Variants in NSD1 observed in about 807,000 individuals in gnomAD.
NSD1 encodes histone-lysine N-methyltransferase, H3 lysine-36 specific.
NSD1 carries 26 observed loss-of-function variants against 242.7 expected under a neutral mutation model. That is an observed-to-expected ratio of 0.11 (90% CI 0.08 to 0.15). The LOEUF (loss-of-function observed/expected upper bound fraction) is 0.15. NSD1 is among the 10% of genes least tolerant of loss of function. The pLI is 1.00. For synonymous variants in NSD1, 1,106 were observed against 1,178.1 expected (o/e 0.94, Z 1.25); for missense variants, 2,495 against 3,272.8 (o/e 0.76, Z 5.80).
intron 2 of NSD1, among the ~76,000 whole-genome samples, chr5:177,168,104 T>C (rs898907924): frequency 1.3e-5 from 2 of 152,210 alleles, no homozygotes; most frequent in African/African-American, 4.8e-5. Context: ...TATTAAAAAT[T>C]CCAAGTAATG....
At chr5:177,156,373 C>T (rs991036034) in intron 2 of NSD1, among the ~76,000 whole-genome samples, 5 of 151,656 alleles carry the variant, frequency 3.3e-5, no homozygotes, top group Admixed American at 3.3e-4. Context: ...TAGAGACAGG[C>T]TTTCACCATG....
chr5:177,204,005 G>T (rs1320949404), intron 3 of NSD1, 115 bp from the exon 4 acceptor site: 17 of 982,556 alleles, frequency 1.7e-5, no homozygotes, highest in Non-Finnish European at 2.5e-5. Flanking sequence ...TAGTTCAGTG[G>T]GCATGTTAGT....
At position 177,192,038 on chromosome 5, in the gene NSD1, A is replaced by G. The variant is rs751924741; in HGVS notation, c.1063+19A>G. The G allele has an allele frequency of 9.3e-6, 15 of 1,612,560 alleles. No homozygotes were observed. The highest frequency in any genetic ancestry group is 4.5e-5 in the East Asian group (2 of 44,844). On this transcript the variant is annotated intron_variant, in intron 3 of 22. Transcript: ENST00000439151. ...ATGAAAGGTAATACTTGCAGTGATT[A>G]TACATGTTAAAGGCAGTTGCCTTTA... is the stretch of plus-strand genomic sequence containing the variant.
chr5:177,288,629 A>C lies in NSD1; in HGVS notation c.6152-190A>C, dbSNP rs1050246700. 13 of 551,804 alleles carry C rather than the reference A, an allele frequency of 2.4e-5. No individual in the cohort carries two copies. The Admixed American group carries it at 4.0e-4, about 17-fold the overall frequency. The allele number at this position is 551,804 out of a possible 1,614,324, so 34.2% of individuals were successfully genotyped here. A position where few individuals can be genotyped will look rare whatever the true frequency, so the allele number is the denominator to read the frequency against. On this transcript the variant is annotated intron_variant, in intron 20 of 22. Coordinates refer to ENST00000439151, the MANE Select transcript of NSD1 (RefSeq NM_022455.5). ...TAAATATTACTTGTTAAGCCATTTA[A>C]GTTTTCTCTGTTAAATTGTATTACC...
Position 177,134,800 on chromosome 5 carries a change from G to GC in NSD1, c.-17-286dup, listed in dbSNP as rs1756172184. Among the ~76,000 whole-genome samples the GC allele has an allele frequency of 6.6e-6, 1 of 152,346 alleles. No individual in the cohort carries two copies. Among genetic ancestry groups the GC allele is most frequent in the East Asian group, 1.9e-4 (1 of 5,184 alleles). On this transcript the variant is annotated intron_variant, in intron 1 of 22. Coordinates refer to ENST00000439151, the MANE Select transcript of NSD1 (RefSeq NM_022455.5). This position sits in a 1 kb window ranked among gnomAD's most constrained non-coding sequence, Gnocchi z 4.2. ...GTTTGAGAATTGGGAATTTTGACGGGCAGAGGGGTTTTAATTTTAGTTCAT... is the reference window on the plus strand; with the variant it reads ...GTTTGAGAATTGGGAATTTTGACGGGCCAGAGGGGTTTTAATTTTAGTTCAT...
intron 14 of NSD1, chr5:177,265,754 G>T: frequency 2.0e-6 from 3 of 1,517,834 alleles, no homozygotes; most frequent in Middle Eastern, 1.7e-4. Flanking sequence ...CTTCCAGTGC[G>T]TGTACAGGGA....
At chr5:177,235,063 C>T (rs1359787403) in intron 5 of NSD1, among the ~76,000 whole-genome samples, 3 of 152,150 alleles carry the variant, frequency 2.0e-5, no homozygotes, top group Non-Finnish European at 1.5e-5. Context: ...AATGGTATGT[C>T]ATATTTTTAC....
intron 4 of NSD1, among the ~76,000 whole-genome samples, chr5:177,205,340 C>T (rs541240101): frequency 1.3e-5 from 2 of 152,012 alleles, no homozygotes; most frequent in Non-Finnish European, 2.9e-5. Context: ...CCACTGAGAA[C>T]CATAAAGTTT....
chr5:177,173,018 G>A (rs556952061), intron 2 of NSD1, among the ~76,000 whole-genome samples: 49 of 149,824 alleles, frequency 3.3e-4, no homozygotes, highest in African/African-American at 1.1e-3. Context: ...AAATTAAGCC[G>A]GGCGCGGTGG....
At chr5:177,152,768 C>CTT (rs1288978675) in intron 2 of NSD1, among the ~76,000 whole-genome samples, 3 of 142,394 alleles carry the variant, frequency 2.1e-5, no homozygotes, top group Admixed American at 7.0e-5. Flanking sequence ...CTGGCCATTT[C>CTT]TTTTTTTTTT....
rs1581089074 is a variant in NSD1 at position 177,135,132 on chromosome 5, G to A, written c.29G>A (p.Arg10Lys). Residue 10 changes from arginine (R) to lysine (K), a missense_variant, in exon 2 of 23, where the codon AGA becomes AAA. Physicochemically the swap from Arg to Lys is conservative, Grantham distance 26. Transcript: ENST00000439151. ...GATCAGACCTGTGAACTACCCAGAA[G>A]AAATTGTCTGCTGCCCTTTTCCAAT... MDQTCELPR[R>K]NCLLPFSNPV... 1 of 1,614,190 alleles carries A rather than the reference G, an allele frequency of 6.2e-7. No individual in the cohort carries two copies. The highest frequency in any genetic ancestry group is 8.5e-7 in the Non-Finnish European group (1 of 1,180,030).
At chr5:177,146,766 G>A (rs1017211333) in intron 2 of NSD1, among the ~76,000 whole-genome samples, 1 of 151,882 alleles carries the variant, frequency 6.6e-6, no homozygotes, top group Non-Finnish European at 1.5e-5. Flanking sequence ...CACTTTGGGA[G>A]GCTGAGGCGG....
intron 14 of NSD1, chr5:177,266,208 T>TG (rs1308174496): frequency 1.1e-6 from 1 of 935,018 alleles, no homozygotes; most frequent in African/African-American, 1.6e-5. Context: ...CCCATCCACT[T>TG]GCTGATGATG....
chr5:177,267,835 C>A, intron 15 of NSD1, 117 bp downstream of exon 15: 1 of 1,012,772 alleles, frequency 9.9e-7, no homozygotes, highest in South Asian at 1.3e-5. Context: ...TACTCCTCCC[C>A]TCTTCTTCTT....
rs111806237 is a variant in NSD1 at position 177,161,750 on chromosome 5, A to G, written c.927+25720A>G. Among the ~76,000 whole-genome samples, 1,158 of 145,614 alleles carry G rather than the reference A, an allele frequency of 8.0e-3. 29 individuals carry two copies. The highest frequency in any genetic ancestry group is 8.1e-3 in the Non-Finnish European group (545 of 67,184). On this transcript the variant is annotated intron_variant, in intron 2 of 22. Coordinates refer to ENST00000439151, the MANE Select transcript of NSD1 (RefSeq NM_022455.5). ...TGGAGTGCTGTGGCATGATCTTGGC[A>G]CACTTGCAACCTCTGCCTCCTGGGT...
chr5:177,248,909 C>T (rs902824048), intron 11 of NSD1, among the ~76,000 whole-genome samples: 1 of 152,074 alleles, frequency 6.6e-6, no homozygotes, highest in Non-Finnish European at 1.5e-5. Flanking sequence ...GGATAAATAG[C>T]TTGTTTATAT....
rs904710098 is a variant in NSD1, at chr5:177,299,176, C to T, written c.*3717C>T. 1 of 233,142 alleles carries T rather than the reference C, an allele frequency of 4.3e-6. No homozygotes were observed. Among genetic ancestry groups the T allele is most frequent in the African/African-American group, 2.2e-5 (1 of 45,342 alleles). The allele number at this position is 233,142 out of a possible 1,614,324, so 14.4% of individuals were successfully genotyped here. On this transcript the variant is annotated 3_prime_UTR_variant, in exon 23 of 23. Transcript: ENST00000439151. ...TAAGAATAGATCATTGTTTTGTACA[C>T]ACACACAATAAAATGTAATGATGGT...
In NSD1 at chr5:177,210,667, C is replaced by T. The variant is rs750245066; in HGVS notation, c.2268C>T (p.Asn756=). 19 of 1,614,112 alleles carry T rather than the reference C, an allele frequency of 1.2e-5. No individual in the cohort carries two copies. In the South Asian group the frequency reaches 2.1e-4, roughly 18 times the overall value. The stretch of plus-strand genomic sequence containing the variant: ...ATGATGCTCTCTCTCCAAAATTCAA[C>T]CTGTCATCAAGCATATCCAGTGAGA... ...FTNDALSPKF[N]LSSSISSENS... Residue 756 remains asparagine (N), a synonymous_variant, in exon 5 of 23, where the codon AAC becomes AAT. Coordinates refer to ENST00000439151, the MANE Select transcript of NSD1 (RefSeq NM_022455.5).
intron 4 of NSD1, 73 bp from the exon 5 acceptor site, chr5:177,209,560 GCTT>G: frequency 1.0e-6 from 1 of 984,112 alleles, no homozygotes; most frequent in East Asian, 2.6e-5. Context: ...AAAAAAAAAA[GCTT>G]CTGATTTCAT....
Sources: allele counts gnomAD v4.1 joint callset (sites outside exome capture counted in the v4.1 genomes callset), GRCh38; gene constraint gnomAD v4.1.1; non-coding constraint Gnocchi (gnomAD v3.1); transcripts MANE v1.5; gene names NCBI Gene and HGNC (gene_info 2026-07-23, HGNC 2026-07-21).